STX12: variants seen among roughly 807,000 people sequenced by gnomAD.
STX12 encodes the protein syntaxin 12, also known as syntaxin-12.
In STX12, 17 loss-of-function variants were observed where a neutral mutation model predicts 42.2. That is an observed-to-expected ratio of 0.40 (90% confidence interval 0.28 to 0.60). The LOEUF is 0.60. Ranked by LOEUF, STX12 falls within the 20% of genes least tolerant of loss-of-function variation. STX12 has a pLI of 0.39. For synonymous variants in STX12, 108 were observed against 116.7 expected (o/e 0.93, Z 0.48); for missense variants, 297 against 330.9 (o/e 0.90, Z 0.79).
At chr1:27,784,333 C>T (rs948222059) in intron 1 of STX12, among the ~76,000 whole-genome samples, 1 of 152,146 alleles carries the variant, frequency 6.6e-6, no homozygotes, top group Non-Finnish European at 1.5e-5. Context: ...CGATCCTCTT[C>T]TCTCAGCCTC....
intron 1 of STX12, among the ~76,000 whole-genome samples, chr1:27,782,080 G>T (rs1252523754): frequency 1.3e-5 from 2 of 151,740 alleles, no homozygotes; most frequent in African/African-American, 4.9e-5. Flanking sequence ...ACCACGACAA[G>T]CATAGGCATA....
intron 4 of STX12, among the ~76,000 whole-genome samples, chr1:27,807,398 T>C (rs1293612282): frequency 6.6e-6 from 1 of 152,168 alleles, no homozygotes; most frequent in African/African-American, 2.4e-5. Context: ...TTTACACTCA[T>C]GGAGCAAATA....
At chr1:27,815,122 G>A (rs1375633573) in intron 6 of STX12, among the ~76,000 whole-genome samples, 1 of 152,036 alleles carries the variant, frequency 6.6e-6, no homozygotes, top group Admixed American at 6.6e-5. Flanking sequence ...TAGAATATAG[G>A]AGAGAATGGG....
At position 27,822,710 on chromosome 1, in the gene STX12, G is replaced by C. The variant is rs1056441266; in HGVS notation, c.*381G>C. On this transcript the variant is annotated 3_prime_UTR_variant, in exon 9 of 9. Coordinates refer to ENST00000373943, the MANE Select transcript of STX12 (RefSeq NM_177424.3). ...TACCTTTTTACTAGCATCTGAGATA[G>C]AGTTACTTTCTGGTACCCAGTATAT... is the stretch of plus-strand genomic sequence containing the variant. 6.1e-6 allele frequency: 1 copy of C among 164,720 alleles called. No individual in the cohort carries two copies. Among genetic ancestry groups the C allele is most frequent in the East Asian group, 1.6e-4 (1 of 6,276 alleles). 10.2% of individuals were successfully genotyped at this position (164,720 alleles called of 1,614,324 possible).
chr1:27,812,231 T>C lies in STX12; in HGVS notation c.539T>C (p.Leu180Pro), dbSNP rs1242239141. Reference sequence around the variant, plus strand: ...GCCATCACTGAGCAGGATTTGGAACTTATTAAAGAAAGAGAAACGGCAATT... The same window carrying C: ...GCCATCACTGAGCAGGATTTGGAACCTATTAAAGAAAGAGAAACGGCAATT... Reference protein sequence around the residue: ...EVAITEQDLELIKERETAIRQ... With the variant: ...EVAITEQDLEPIKERETAIRQ... The change falls in exon 6 of 9, where the codon CTT (leucine) becomes CCT (proline). Residue 180 changes from leucine to proline, a missense_variant. Coordinates refer to ENST00000373943, the MANE Select transcript of STX12 (RefSeq NM_177424.3). 1 of 1,560,462 alleles carries C rather than the reference T, an allele frequency of 6.4e-7. No homozygotes were observed.
rs1301649143 is a variant in STX12, at chr1:27,799,489, G to GTT, written c.289-2179_289-2178dup. ...AACTCATTAGCTTGTTTTTTTTTTTGTTTTTTTTTTTGAGACAGAACCTGG... is the reference window on the plus strand; with the variant it reads ...AACTCATTAGCTTGTTTTTTTTTTTGTTTTTTTTTTTTTGAGACAGAACCTGG... On this transcript the variant is annotated intron_variant, in intron 3 of 8. Transcript: ENST00000373943. Among the ~76,000 whole-genome samples, 13 of 127,734 alleles carry GTT rather than the reference G, an allele frequency of 1.0e-4. No individual in the cohort carries two copies. The South Asian group carries it at 2.5e-3, about 25-fold the overall frequency. The allele number at this position is 127,734 out of a possible 152,430, so 83.8% of individuals were successfully genotyped here. A position where few individuals can be genotyped will look rare whatever the true frequency, so the allele number is the denominator to read the frequency against.
At chr1:27,809,917 T>C (rs1381991029) in intron 4 of STX12, 1 of 200,944 alleles carries the variant, frequency 5.0e-6, no homozygotes, top group Non-Finnish European at 1.0e-5. Flanking sequence ...TCTGAAATTT[T>C]GTATTCTTGC....
At chr1:27,778,411 CTG>C (rs1374784578) in intron 1 of STX12, among the ~76,000 whole-genome samples, 1 of 152,176 alleles carries the variant, frequency 6.6e-6, no homozygotes, top group African/African-American at 2.4e-5. Context: ...GCATTTCTGA[CTG>C]GGCGAGGTGT....
chr1:27,789,538 A>C (rs776600888), intron 1 of STX12, 24 bp from the exon 2 acceptor site: 1 of 1,596,748 alleles, frequency 6.3e-7, no homozygotes, highest in Non-Finnish European at 8.6e-7. Flanking sequence ...TTTTAAATAA[A>C]TCTTTTTCTT....
intron 5 of STX12, 112 bp downstream of exon 5, chr1:27,810,401 T>C (rs2148606043): frequency 1.1e-6 from 1 of 933,752 alleles, no homozygotes; most frequent in Non-Finnish European, 1.7e-6. Context: ...AGGGGGCACC[T>C]GGAGTGGATA....
At chr1:27,798,624 G>A (rs1484193154) in intron 3 of STX12, among the ~76,000 whole-genome samples, 24 of 134,658 alleles carry the variant, frequency 1.8e-4, no homozygotes, top group Middle Eastern at 4.0e-3. Context: ...CAGCCGGGGT[G>A]ACAGAGCGAG....
intron 1 of STX12, among the ~76,000 whole-genome samples, chr1:27,787,634 G>A (rs1336579613): frequency 2.6e-5 from 4 of 151,830 alleles, no homozygotes; most frequent in Non-Finnish European, 5.9e-5. Context: ...ACTCCAGCCT[G>A]GCCGACAGAG....
chr1:27,800,564 C>G (rs2088821165), intron 3 of STX12, among the ~76,000 whole-genome samples: 1 of 151,392 alleles, frequency 6.6e-6, no homozygotes, highest in Non-Finnish European at 1.5e-5. Flanking sequence ...GAGTTTCACT[C>G]TATTGCTGAG....
At chr1:27,819,902 C>A in intron 8 of STX12, 170 bp downstream of exon 8, 2 of 546,644 alleles carry the variant, frequency 3.7e-6, no homozygotes, top group Non-Finnish European at 6.6e-6. Context: ...GCAGATAGAT[C>A]TACAAAAAAT....
At chr1:27,807,390 T>G (rs1392592127) in intron 4 of STX12, among the ~76,000 whole-genome samples, 3 of 152,208 alleles carry the variant, frequency 2.0e-5, no homozygotes, top group Non-Finnish European at 4.4e-5. Flanking sequence ...TGTTGATATT[T>G]ACACTCATGG....
At chr1:27,799,162 CTCT>C (rs1343620506) in intron 3 of STX12, among the ~76,000 whole-genome samples, 1 of 152,158 alleles carries the variant, frequency 6.6e-6, no homozygotes, top group Non-Finnish European at 1.5e-5. Flanking sequence ...ATTACCATCA[CTCT>C]TCCAGGTTTG....
At chr1:27,793,358 G>A (rs1386701138) in intron 2 of STX12, among the ~76,000 whole-genome samples, 175 bp from the exon 3 acceptor site, 1 of 152,180 alleles carries the variant, frequency 6.6e-6, no homozygotes, top group Non-Finnish European at 1.5e-5. Context: ...ACCTTGAAGT[G>A]GGTTTGCCTG....
At chr1:27,781,262 T>G (rs576956039) in intron 1 of STX12, among the ~76,000 whole-genome samples, 69 of 152,256 alleles carry the variant, frequency 4.5e-4, no homozygotes, top group African/African-American at 1.4e-3. Context: ...CAAGCTGGTC[T>G]CGAACTCCTG....
chr1:27,810,066 C>T, intron 4 of STX12, 180 bp from the exon 5 acceptor site: 1 of 539,922 alleles, frequency 1.9e-6, no homozygotes, highest in South Asian at 2.8e-5. Flanking sequence ...TGCAGATTTT[C>T]TTCAACCACT....
Sources: gnomAD v4.1 joint callset for allele counts (sites outside exome capture counted in the v4.1 genomes callset) on GRCh38, gnomAD v4.1.1 for gene constraint, MANE v1.5 for transcripts, NCBI Gene and HGNC (gene_info 2026-07-23, HGNC 2026-07-21) for gene names.